The following GBE1 variants were observed in gnomAD, a reference collection of about 807,000 sequenced individuals.
The protein encoded by GBE1 is 1,4-alpha-glucan-branching enzyme.
A neutral mutation model predicts 88.8 loss-of-function variants in GBE1; 70 were observed. The observed-to-expected ratio is 0.79, with a 90% confidence interval of 0.65 to 0.96. The LOEUF (loss-of-function observed/expected upper bound fraction) is 0.96, where lower values mean the gene tolerates loss of function less well. Ranked by LOEUF, GBE1 falls within the 40% of genes least tolerant of loss-of-function variation. The pLI is 0.00. For missense variants in GBE1, 872 were observed against 871.0 expected, an observed-to-expected ratio of 1.00 and a Z score of -0.01; for synonymous variants, 284 against 300.1, an observed-to-expected ratio of 0.95 and a Z score of 0.56.
chr3:81,614,906 G>C (rs1312315942), intron 7 of GBE1, among the ~76,000 whole-genome samples: 1 of 151,820 alleles, frequency 6.6e-6, no homozygotes, highest in Non-Finnish European at 1.5e-5. Flanking sequence ...GCATGTGCCT[G>C]TGGTTCCAGC....
At position 81,593,967 on chromosome 3, in the gene GBE1, C is replaced by G; in HGVS notation, c.1049G>C (p.Arg350Pro). The G allele has an allele frequency of 6.3e-7, 1 of 1,586,094 alleles. No individual in the cohort carries two copies. The highest frequency in any genetic ancestry group is 8.6e-7 in the Non-Finnish European group (1 of 1,164,754). ...ACCATCAAAACGAAATCCATCAAAG[C>G]GATATTCTTCCAACCACCATCTTAT... is the stretch of plus-strand genomic sequence containing the variant. ...SNIRWWLEEY[R>P]FDGFRFDGVT... The change falls in exon 8 of 16, where the codon CGC becomes CCC. Residue 350 changes from arginine to proline, a missense_variant. Coordinates refer to ENST00000429644, the MANE Select transcript of GBE1 (RefSeq NM_000158.4).
intron 1 of GBE1, among the ~76,000 whole-genome samples, chr3:81,731,509 T>C (rs945815657): frequency 2.0e-5 from 3 of 152,140 alleles, no homozygotes; most frequent in Admixed American, 1.3e-4. Flanking sequence ...ACATTTTGAT[T>C]GTCATTTGCC....
At chr3:81,660,054 T>C (rs903627726) in intron 3 of GBE1, among the ~76,000 whole-genome samples, 1 of 152,190 alleles carries the variant, frequency 6.6e-6, no homozygotes, top group African/African-American at 2.4e-5. Context: ...TGTACAATGA[T>C]GAAAGTAAAT....
intron 3 of GBE1, among the ~76,000 whole-genome samples, chr3:81,663,172 A>G (rs1357625840): frequency 6.6e-6 from 1 of 152,076 alleles, no homozygotes; most frequent in Non-Finnish European, 1.5e-5. Flanking sequence ...ACTCTCATGG[A>G]CCTAGGTGAG....
chr3:81,698,194 GC>G (rs1705631211), intron 2 of GBE1, among the ~76,000 whole-genome samples: 1 of 151,696 alleles, frequency 6.6e-6, no homozygotes, highest in Non-Finnish European at 1.5e-5. Context: ...CCATGATCCA[GC>G]ACAATTGGGG....
At chr3:81,761,290 G>C (rs922648353) in intron 1 of GBE1, 85 bp downstream of exon 1, 4 of 1,490,830 alleles carry the variant, frequency 2.7e-6, no homozygotes, top group Non-Finnish European at 3.6e-6. Flanking sequence ...TGGCGCGCGA[G>C]GGCCGAGGGG....
chr3:81,490,444 A>T lies in GBE1; in HGVS notation c.2072T>A (p.Val691Glu), dbSNP rs1472987265. The change falls in exon 16 of 16, where the codon GTG becomes GAG. Residue 691 changes from valine to glutamate, a missense_variant. Physicochemically the swap from Val to Glu is moderately radical, Grantham distance 121. Coordinates refer to ENST00000429644, the MANE Select transcript of GBE1 (RefSeq NM_000158.4). ...ATCCACATTCTGAAGGATGAGGGCC[A>T]CTCTGCTTGGAATGTACACCTACGT... is the stretch of plus-strand genomic sequence containing the variant. The part of the protein sequence containing the change: ...YSLLVYIPSR[V>E]ALILQNVDLP... 1.2e-6 allele frequency: 2 copies of T among 1,613,048 alleles called. No homozygotes were observed. The highest frequency in any genetic ancestry group is 1.7e-6 in the Non-Finnish European group (2 of 1,179,380).
At chr3:81,507,678 A>G (rs547910164) in intron 14 of GBE1, among the ~76,000 whole-genome samples, 58 of 144,678 alleles carry the variant, frequency 4.0e-4, no homozygotes, top group Middle Eastern at 6.9e-3. Context: ...GTGTGTGTGT[A>G]TATATATATG....
intron 11 of GBE1, among the ~76,000 whole-genome samples, chr3:81,578,459 A>G (rs1222847519): frequency 4.0e-5 from 6 of 151,548 alleles, no homozygotes; most frequent in Admixed American, 3.9e-4. Flanking sequence ...TAGATTGTAT[A>G]TAATGATTTT....
intron 7 of GBE1, among the ~76,000 whole-genome samples, chr3:81,618,972 G>A (rs1009016202): frequency 8.8e-5 from 13 of 147,626 alleles, no homozygotes; most frequent in African/African-American, 3.1e-4. Context: ...TTATATATGA[G>A]ATTCTTTTTA....
chr3:81,588,613 T>C (rs1365412100), intron 9 of GBE1, among the ~76,000 whole-genome samples: 1 of 152,096 alleles, frequency 6.6e-6, no homozygotes, highest in East Asian at 1.9e-4. Flanking sequence ...GAAACCTACA[T>C]TTGTCCCTCA....
In GBE1 at chr3:81,700,346, C is replaced by G. The variant is rs1332850271; in HGVS notation, c.313+5098G>C. On this transcript the variant is annotated intron_variant, in intron 2 of 15. Transcript: ENST00000429644. ...AATTTTCGTATCAGTGTTTCTCAGA[C>G]TATGGTTATGTACCAATTACCCTTC... Among the ~76,000 whole-genome samples the G allele has an allele frequency of 2.6e-5, 4 of 152,110 alleles. No individual in the cohort carries two copies. The East Asian group carries it at 7.7e-4, about 29-fold the overall frequency.
At chr3:81,556,646 T>C (rs1299843964) in intron 12 of GBE1, among the ~76,000 whole-genome samples, 2 of 152,120 alleles carry the variant, frequency 1.3e-5, no homozygotes, top group Admixed American at 1.3e-4. Context: ...AGAAATACTT[T>C]TTAGGAATGG....
chr3:81,503,644 T>C (rs996030758), intron 14 of GBE1, among the ~76,000 whole-genome samples: 6 of 151,954 alleles, frequency 3.9e-5, no homozygotes, highest in African/African-American at 1.5e-4. Flanking sequence ...GAATCAGAAG[T>C]GGAAGGGAAG....
intron 1 of GBE1, among the ~76,000 whole-genome samples, chr3:81,756,641 T>G (rs1222844402): frequency 6.6e-6 from 1 of 152,138 alleles, no homozygotes; most frequent in African/African-American, 2.4e-5. Context: ...GAGGGACCCC[T>G]CAACCAGCCC....
chr3:81,640,874 G>C (rs1704668623), intron 7 of GBE1, among the ~76,000 whole-genome samples: 1 of 151,832 alleles, frequency 6.6e-6, no homozygotes, highest in Non-Finnish European at 1.5e-5. Context: ...AAAACTATAG[G>C]ATGCTTTATT....
intron 1 of GBE1, among the ~76,000 whole-genome samples, chr3:81,742,533 C>A (rs192084516): frequency 6.6e-6 from 1 of 152,140 alleles, no homozygotes; most frequent in East Asian, 1.9e-4. Context: ...AAGGCATAGG[C>A]GCCCCATCAT....
rs772925682 is a variant in GBE1 at position 81,761,339 on chromosome 3, C to A, written c.143+36G>T. 2.5e-6 allele frequency: 4 copies of A among 1,576,620 alleles called. No individual in the cohort carries two copies. The South Asian group carries it at 4.5e-5, about 18-fold the overall frequency. On this transcript the variant is annotated intron_variant, in intron 1 of 15. Transcript: ENST00000429644. ...GAGACGGCTCCTGGGAGGCGGGCTG[C>A]CTGTCTAAGTGGGGGTGGTGGGATT... is the stretch of plus-strand genomic sequence containing the variant.
intron 12 of GBE1, among the ~76,000 whole-genome samples, chr3:81,546,210 A>G (rs1703202659): frequency 6.6e-6 from 1 of 151,642 alleles, no homozygotes; most frequent in Non-Finnish European, 1.5e-5. Context: ...GCACACACAC[A>G]CACAAACTCA....
Sources: gnomAD v4.1 joint callset for allele counts (sites outside exome capture counted in the v4.1 genomes callset) on GRCh38, gnomAD v4.1.1 for gene constraint, MANE v1.5 for transcripts, NCBI Gene and HGNC (gene_info 2026-07-23, HGNC 2026-07-21) for gene names.